Variants in OR1M1 observed in about 807,000 individuals in gnomAD.
The protein encoded by OR1M1 is olfactory receptor 1M1.
For synonymous variants in OR1M1, 157 were observed against 165.5 expected (o/e 0.95, Z 0.39); for missense variants, 397 against 401.8 (o/e 0.99, Z 0.10).
chr19:9,094,069 G>A lies in OR1M1; in HGVS notation c.825G>A (p.Ala275=), dbSNP rs755835791. The A allele has an allele frequency of 6.3e-5, 102 of 1,613,226 alleles. No individual in the cohort carries two copies. The highest frequency in any genetic ancestry group is 7.9e-5 in the Non-Finnish European group (93 of 1,179,486). ...CCACTGTGAAGGAGAAAGCTTCTGC[G>A]GTGATGTACACAGCAGTCACCCCCA... ...VLTTVKEKAS[A]VMYTAVTPML... is the part of the protein sequence containing the mutation. The change falls in exon 2 of 2, where the codon GCG becomes GCA. Residue 275 remains alanine (A), a synonymous_variant. Coordinates refer to ENST00000641627, the MANE Select transcript of OR1M1 (RefSeq NM_001004456.2).
chr19:9,091,649 A>AC (rs2050293798), intron 1 of OR1M1, among the ~76,000 whole-genome samples: 3 of 151,188 alleles, frequency 2.0e-5, no homozygotes, highest in African/African-American at 7.3e-5. Context: ...ACAGAGCAAG[A>AC]CCCCGTCTCA....
chr19:9,092,667 C>T (rs545933497), intron 1 of OR1M1, among the ~76,000 whole-genome samples: 25 of 151,776 alleles, frequency 1.6e-4, no homozygotes, highest in Admixed American at 4.6e-4. Context: ...TTTGGGAGGC[C>T]GAGGTGGGCG....
chr19:9,088,410 A>C (rs1051090358), intron 1 of OR1M1, among the ~76,000 whole-genome samples: 2 of 152,140 alleles, frequency 1.3e-5, no homozygotes, highest in Non-Finnish European at 2.9e-5. Flanking sequence ...CAAGAAGCTT[A>C]AGGGATGAAT....
chr19:9,094,179 C>T lies in OR1M1; in HGVS notation c.935C>T (p.Ser312Phe), dbSNP rs1361159216. ...RKLVNRKITSSS is the reference protein window; with the variant it reads ...RKLVNRKITSFS The stretch of plus-strand genomic sequence containing the variant: ...CTGGTCAACAGAAAGATCACCTCAT[C>T]TTCCTGACCACCAGGACTCAGGAAC... The change falls in exon 2 of 2, where the codon TCT becomes TTT. Residue 312 changes from serine (S) to phenylalanine (F), a missense_variant. By Grantham distance (155) the Ser-to-Phe change is radical. Coordinates refer to ENST00000641627, the MANE Select transcript of OR1M1 (RefSeq NM_001004456.2). 6.2e-7 allele frequency: 1 copy of T among 1,602,170 alleles called. No individual in the cohort carries two copies. Among genetic ancestry groups the T allele is most frequent in the African/African-American group, 1.3e-5 (1 of 74,744 alleles).
Position 9,094,030 on chromosome 19 carries a change from C to T in OR1M1, c.786C>T (p.Pro262=). ...YGTTIGVYLC[P]SSVLTTVKEK... ...CCACCATTGGCGTCTATCTGTGTCC[C>T]TCCTCGGTCCTCACCACTGTGAAGG... The change falls in exon 2 of 2, where the codon CCC becomes CCT. Residue 262 remains proline (P), a synonymous_variant. Coordinates refer to ENST00000641627, the MANE Select transcript of OR1M1 (RefSeq NM_001004456.2). 2.5e-6 allele frequency: 4 copies of T among 1,614,102 alleles called. No homozygotes were observed. Among genetic ancestry groups the T allele is most frequent in the Non-Finnish European group, 3.4e-6 (4 of 1,180,026 alleles).
At chr19:9,092,173 C>G (rs12461971) in intron 1 of OR1M1, among the ~76,000 whole-genome samples, 92,586 of 148,934 alleles carry the variant, frequency 0.62, 29,186 homozygotes, top group East Asian at 0.9. Flanking sequence ...GCCCACCTCG[C>G]CCTCCCAAAG....
chr19:9,089,607 T>C (rs2050282623), intron 1 of OR1M1, among the ~76,000 whole-genome samples: 1 of 152,016 alleles, frequency 6.6e-6, no homozygotes, highest in Non-Finnish European at 1.5e-5. Context: ...GTATTTTTAG[T>C]AGAGACGGGG....
At chr19:9,087,704 C>G (rs898120281) in intron 1 of OR1M1, among the ~76,000 whole-genome samples, 1 of 152,040 alleles carries the variant, frequency 6.6e-6, no homozygotes. Flanking sequence ...CCCGCCTCAG[C>G]CTCCGAAAGT....
rs756587416 is a variant in OR1M1 at position 9,093,459 on chromosome 19, G to A, written c.215G>A (p.Cys72Tyr). 1 of 1,614,034 alleles carries A rather than the reference G, an allele frequency of 6.2e-7. No individual in the cohort carries two copies. The part of the protein sequence containing the change: ...FLANLSLVDF[C>Y]LATNTIPKML... ...GCCAACCTGTCCCTGGTTGATTTCT[G>A]TCTGGCCACCAACACCATCCCTAAG... Residue 72 changes from cysteine to tyrosine, a missense_variant, in exon 2 of 2, where the codon TGT becomes TAT. By Grantham distance (194) the Cys-to-Tyr change is radical (BLOSUM62 -2). Transcript: ENST00000641627.
chr19:9,090,949 G>T (rs1373413629), intron 1 of OR1M1, among the ~76,000 whole-genome samples: 2 of 151,508 alleles, frequency 1.3e-5, no homozygotes, highest in Admixed American at 6.6e-5. Context: ...GGCAGATCAC[G>T]AGGTCAGGAG....
chr19:9,089,356 C>T (rs1431478100), intron 1 of OR1M1, among the ~76,000 whole-genome samples: 1 of 151,396 alleles, frequency 6.6e-6, no homozygotes, highest in Non-Finnish European at 1.5e-5. Context: ...TTCCATGTTG[C>T]TGTAAATGAC....
chr19:9,093,932 T>G lies in OR1M1; in HGVS notation c.688T>G (p.Ser230Ala). The G allele has an allele frequency of 2.5e-6, 4 of 1,614,184 alleles. No individual in the cohort carries two copies. Among genetic ancestry groups the G allele is most frequent in the Non-Finnish European group, 3.4e-6 (4 of 1,180,034 alleles). Residue 230 changes from serine to alanine, a missense_variant, in exon 2 of 2, where the codon TCT becomes GCT. By Grantham distance (99) the Ser-to-Ala change is moderately conservative. Transcript: ENST00000641627. ...CCTTGTGGCCATCATGAAGGTCCCCTCTGCAGGCGGCAGGAAGAAAGCCTT... is the reference window on the plus strand; with the variant it reads ...CCTTGTGGCCATCATGAAGGTCCCCGCTGCAGGCGGCAGGAAGAAAGCCTT... Reference protein sequence around the residue: ...RILVAIMKVPSAGGRKKAFST... With the variant: ...RILVAIMKVPAAGGRKKAFST...
Position 9,094,068 on chromosome 19 carries a change from C to T in OR1M1, c.824C>T (p.Ala275Val), listed in dbSNP as rs145265377. 1.8e-4 allele frequency: 284 copies of T among 1,613,866 alleles called. No homozygotes were observed. The highest frequency in any genetic ancestry group is 2.8e-4 in the Admixed American group (17 of 59,974). ...ACCACTGTGAAGGAGAAAGCTTCTG[C>T]GGTGATGTACACAGCAGTCACCCCC... Reference protein sequence around the residue: ...VLTTVKEKASAVMYTAVTPML... With the variant: ...VLTTVKEKASVVMYTAVTPML... Residue 275 changes from alanine to valine, a missense_variant, in exon 2 of 2, where the codon GCG (alanine) becomes GTG (valine). Transcript: ENST00000641627.
rs201410610 is a variant in OR1M1 at position 9,093,686 on chromosome 19, C to T, written c.442C>T (p.Leu148Phe). 7 of 1,614,024 alleles carry T rather than the reference C, an allele frequency of 4.3e-6. No homozygotes were observed. Among genetic ancestry groups the T allele is most frequent in the Non-Finnish European group, 5.9e-6 (7 of 1,180,052 alleles). The stretch of plus-strand genomic sequence containing the variant: ...CCTCTGTCGCCTGCTGGTCGGCGCC[C>T]TCTGGGCGTTTTCCTGCTTCATCTC... ...LRLCRLLVGA[L>F]WAFSCFISLT... is the part of the protein sequence containing the mutation. Residue 148 changes from leucine (L) to phenylalanine (F), a missense_variant, in exon 2 of 2, where the codon CTC (leucine) becomes TTC (phenylalanine). Transcript: ENST00000641627.
intron 1 of OR1M1, among the ~76,000 whole-genome samples, chr19:9,087,663 C>G (rs1021569950): frequency 4.8e-4 from 73 of 152,218 alleles, no homozygotes; most frequent in African/African-American, 1.7e-3. Flanking sequence ...GTTGGTCAGG[C>G]TGATCTCGAA....
At position 9,094,235 on chromosome 19, in the gene OR1M1, G is replaced by C; in HGVS notation, c.*49G>C. The C allele has an allele frequency of 1.6e-5, 18 of 1,124,914 alleles. No homozygotes were observed. Among genetic ancestry groups the C allele is most frequent in the Non-Finnish European group, 2.3e-5 (18 of 785,026 alleles). The allele number at this position is 1,124,914 out of a possible 1,614,324, so 69.7% of individuals were successfully genotyped here. ...GGGGGTAGAATATATACATCTGGGA[G>C]TCTTGGGCTAACATCTGGAATTGCA... On this transcript the variant is annotated 3_prime_UTR_variant, in exon 2 of 2. Coordinates refer to ENST00000641627, the MANE Select transcript of OR1M1 (RefSeq NM_001004456.2).
intron 1 of OR1M1, among the ~76,000 whole-genome samples, chr19:9,088,802 C>T (rs1191750973): frequency 1.3e-5 from 2 of 151,612 alleles, no homozygotes; most frequent in African/African-American, 4.9e-5. Flanking sequence ...GCCAGAGAAC[C>T]ATTTATATCC....
chr19:9,088,689 C>A (rs1038945427), intron 1 of OR1M1, among the ~76,000 whole-genome samples: 6 of 152,066 alleles, frequency 3.9e-5, no homozygotes, highest in African/African-American at 1.4e-4. Context: ...AGTTCAAGAC[C>A]AGCCTGGCCA....
rs1014843171 is a variant in OR1M1 at position 9,095,632 on chromosome 19, C to T, written c.*1446C>T. 1 of 151,902 alleles carries T rather than the reference C, an allele frequency of 6.6e-6. No individual in the cohort carries two copies. Among genetic ancestry groups the T allele is most frequent in the African/African-American group, 2.4e-5 (1 of 41,342 alleles). The allele number at this position is 151,902 out of a possible 1,614,324, so 9.4% of individuals were successfully genotyped here. On this transcript the variant is annotated 3_prime_UTR_variant, in exon 2 of 2. Coordinates refer to ENST00000641627, the MANE Select transcript of OR1M1 (RefSeq NM_001004456.2). Reference sequence around the variant, plus strand: ...TCCAGGCTGCTCTCAAACTCCTGAGCTCAAGCCATCCTCCCATCTCAGCCT... The same window carrying T: ...TCCAGGCTGCTCTCAAACTCCTGAGTTCAAGCCATCCTCCCATCTCAGCCT...
Sources: gnomAD v4.1 joint callset for allele counts (sites outside exome capture counted in the v4.1 genomes callset) on GRCh38, gnomAD v4.1.1 for gene constraint, MANE v1.5 for transcripts, NCBI Gene and HGNC (gene_info 2026-07-23, HGNC 2026-07-21) for gene names.